CDH12: variants seen among roughly 807,000 people sequenced by gnomAD.
The protein encoded by CDH12 is cadherin 12, also known as cadherin-12.
A neutral mutation model predicts 74.1 loss-of-function variants in CDH12; 41 were observed. That is an observed-to-expected ratio of 0.55 (90% CI 0.43 to 0.72). The LOEUF (loss-of-function observed/expected upper bound fraction) is 0.72, where lower values mean the gene tolerates loss of function less well. Ranked by LOEUF, CDH12 falls within the 30% of genes least tolerant of loss-of-function variation. The probability of loss-of-function intolerance (pLI) is 0.00; values close to 1 mark genes in which losing one functional copy is unlikely to be tolerated. For synonymous variants in CDH12, 399 were observed against 355.0 expected (o/e 1.12, Z -1.39); for missense variants, 945 against 977.2 (o/e 0.97, Z 0.44).
intron 4 of CDH12, among the ~76,000 whole-genome samples, chr5:22,186,269 A>C (rs1026761454): frequency 6.6e-6 from 1 of 152,186 alleles, no homozygotes; most frequent in Non-Finnish European, 1.5e-5. Flanking sequence ...ATTCAGTAAA[A>C]TCCTCAAAAG....
intron 8 of CDH12, among the ~76,000 whole-genome samples, chr5:21,820,257 C>T (rs1748293229): frequency 6.6e-6 from 1 of 151,882 alleles, no homozygotes; most frequent in Admixed American, 6.6e-5. Flanking sequence ...GAAAGCTATT[C>T]TTTGTAGTAT....
At chr5:22,755,011 A>C (rs1301128309) in intron 1 of CDH12, among the ~76,000 whole-genome samples, 1 of 152,180 alleles carries the variant, frequency 6.6e-6, no homozygotes, top group Non-Finnish European at 1.5e-5. Flanking sequence ...GTCACTTACA[A>C]ACAGTAATTG....
chr5:22,176,039 T>C (rs1241841670), intron 4 of CDH12, among the ~76,000 whole-genome samples: 6 of 152,182 alleles, frequency 3.9e-5, no homozygotes, highest in Non-Finnish European at 8.8e-5. Context: ...CAGCTCAATC[T>C]GCTTTAACAC....
At chr5:22,651,877 C>A (rs1305526525) in intron 1 of CDH12, among the ~76,000 whole-genome samples, 5 of 151,882 alleles carry the variant, frequency 3.3e-5, no homozygotes, top group Non-Finnish European at 7.4e-5. Flanking sequence ...TATAAAGGAG[C>A]AAATCTTTTC....
intron 5 of CDH12, among the ~76,000 whole-genome samples, chr5:22,051,837 A>G (rs140346154): frequency 1.6e-3 from 244 of 152,234 alleles, no homozygotes; most frequent in African/African-American, 5.8e-3. Flanking sequence ...CAGCCCTTTC[A>G]GAGATAGGCA....
intron 3 of CDH12, among the ~76,000 whole-genome samples, chr5:22,356,202 G>T (rs1406497635): frequency 6.6e-6 from 1 of 151,862 alleles, no homozygotes; most frequent in Non-Finnish European, 1.5e-5. Context: ...TAATTTGAGG[G>T]GAGAATAGCA....
At chr5:22,682,119 A>T (rs938526494) in intron 1 of CDH12, among the ~76,000 whole-genome samples, 1 of 152,094 alleles carries the variant, frequency 6.6e-6, no homozygotes, top group Non-Finnish European at 1.5e-5. Flanking sequence ...ACAATTTTCA[A>T]GCCCTGGCAC....
intron 1 of CDH12, among the ~76,000 whole-genome samples, chr5:22,549,146 G>GT (rs1738457435): frequency 6.7e-6 from 1 of 148,234 alleles, no homozygotes; most frequent in African/African-American, 2.5e-5. Context: ...TGTTTTTTTT[G>GT]TTTTTTTGTA....
At chr5:22,489,372 C>T (rs1746761262) in intron 2 of CDH12, among the ~76,000 whole-genome samples, 1 of 151,754 alleles carries the variant, frequency 6.6e-6, no homozygotes, top group Admixed American at 6.6e-5. Context: ...TTCAGTATTA[C>T]TTTTCATGGA....
At chr5:21,880,506 C>CTTTCTTT (rs1752200823) in intron 6 of CDH12, among the ~76,000 whole-genome samples, 1 of 7,230 alleles carries the variant, frequency 1.4e-4, no homozygotes, top group Non-Finnish European at 3.0e-3. Flanking sequence ...TTCCTTCCTC[C>CTTTCTTT]CTCCCTCCCT....
At chr5:22,002,217 T>C (rs1736647835) in intron 5 of CDH12, among the ~76,000 whole-genome samples, 2 of 152,270 alleles carry the variant, frequency 1.3e-5, no homozygotes, top group East Asian at 3.9e-4. Context: ...TATTTTTAAA[T>C]GACAAATGAA....
intron 3 of CDH12, among the ~76,000 whole-genome samples, chr5:22,391,361 T>C (rs533263862): frequency 1.3e-5 from 2 of 152,328 alleles, no homozygotes; most frequent in Admixed American, 6.5e-5. Context: ...CTGTTAGTAA[T>C]GCATTCATTC....
chr5:22,462,364 G>C (rs1289480933), intron 2 of CDH12, among the ~76,000 whole-genome samples: 2 of 152,168 alleles, frequency 1.3e-5, no homozygotes, highest in African/African-American at 4.8e-5. Context: ...CCTGTGAAAT[G>C]CTGGGATATA....
At chr5:22,152,867 GTC>G (rs1747690762) in intron 4 of CDH12, among the ~76,000 whole-genome samples, 1 of 152,098 alleles carries the variant, frequency 6.6e-6, no homozygotes, top group Non-Finnish European at 1.5e-5. Flanking sequence ...TGTGGCATTT[GTC>G]TCTCTGTTCC....
intron 6 of CDH12, among the ~76,000 whole-genome samples, chr5:21,869,707 T>C (rs1751516010): frequency 6.6e-6 from 1 of 152,160 alleles, no homozygotes; most frequent in South Asian, 2.1e-4. Context: ...TTATTTTTAA[T>C]TGTACAAAGG....
intron 2 of CDH12, among the ~76,000 whole-genome samples, chr5:22,443,417 G>A (rs918332210): frequency 7.9e-5 from 12 of 152,104 alleles, no homozygotes; most frequent in Admixed American, 2.6e-4. Flanking sequence ...AAATTTAAAA[G>A]TAGTATATCA....
chr5:22,166,181 T>C (rs1748672956), intron 4 of CDH12, among the ~76,000 whole-genome samples: 1 of 152,076 alleles, frequency 6.6e-6, no homozygotes, highest in Admixed American at 6.5e-5. Context: ...AAAAAATACA[T>C]AATGGCTAGT....
chr5:22,008,387 G>T (rs181729306), intron 5 of CDH12, among the ~76,000 whole-genome samples: 2 of 151,830 alleles, frequency 1.3e-5, no homozygotes, highest in African/African-American at 2.4e-5. Flanking sequence ...CCACCACCAC[G>T]CCTGGCTAAT....
At chr5:22,574,414 C>T (rs1580778852) in intron 1 of CDH12, among the ~76,000 whole-genome samples, 1 of 152,066 alleles carries the variant, frequency 6.6e-6, no homozygotes, top group South Asian at 2.1e-4. Flanking sequence ...CATGCCTTCA[C>T]GTACCATAAC....
Sources: gnomAD v4.1 joint callset for allele counts (sites outside exome capture counted in the v4.1 genomes callset) on GRCh38, gnomAD v4.1.1 for gene constraint, MANE v1.5 for transcripts, NCBI Gene and HGNC (gene_info 2026-07-23, HGNC 2026-07-21) for gene names.